Variants in SH3BGRL2 observed in about 807,000 individuals in gnomAD.
SH3BGRL2 encodes the protein SH3 domain-binding glutamic acid-rich-like protein 2.
Under a neutral mutation model 14.8 loss-of-function variants are expected in SH3BGRL2, and 21 were observed. The observed-to-expected ratio is 1.42, with a 90% CI of 1.01 to 2.05. The LOEUF (loss-of-function observed/expected upper bound fraction) is 2.05, where lower values mean the gene tolerates loss of function less well. SH3BGRL2 is among the 30% of genes most tolerant of loss of function. The pLI is 0.00. For missense variants in SH3BGRL2, 147 were observed against 130.8 expected (o/e 1.12, Z -0.61); for synonymous variants, 50 against 47.8 (o/e 1.05, Z -0.19).
chr6:79,637,783 G>T (rs1032445855), intron 1 of SH3BGRL2, among the ~76,000 whole-genome samples: 4 of 152,120 alleles, frequency 2.6e-5, no homozygotes, highest in Admixed American at 6.6e-5. Flanking sequence ...GCAGAGATTG[G>T]TGGTGTTTTA....
the SH3BGRL2 span, among the ~76,000 whole-genome samples, chr6:79,551,862 G>T: frequency 7.2e-5 from 11 of 152,132 alleles, no homozygotes; most frequent in Non-Finnish European, 5.9e-5. Context: ...GGCCAAGGTG[G>T]GTGGATCACC....
chr6:79,600,046 C>T, the SH3BGRL2 span, among the ~76,000 whole-genome samples: 18 of 152,248 alleles, frequency 1.2e-4, no homozygotes, highest in Middle Eastern at 3.4e-3. Flanking sequence ...AACTCACTAT[C>T]GTTTTGCACC....
At chr6:79,653,397 A>G (rs1474815687) in intron 1 of SH3BGRL2, among the ~76,000 whole-genome samples, 2 of 152,118 alleles carry the variant, frequency 1.3e-5, no homozygotes, top group African/African-American at 4.8e-5. Context: ...AACCTTTCTA[A>G]TTGCTTACCC....
In SH3BGRL2 at chr6:79,673,651, A is replaced by G. The variant is rs143868388; in HGVS notation, c.83A>G (p.Glu28Gly). Residue 28 changes from glutamate to glycine, a missense_variant, in exon 2 of 4, where the codon GAA becomes GGA. Physicochemically the swap from Glu to Gly is moderately conservative, Grantham distance 98. Transcript: ENST00000369838. ...KKQQDVVRFLEANKIEFEEVD... is the reference protein window; with the variant it reads ...KKQQDVVRFLGANKIEFEEVD... ...CAGCAAGATGTGGTTAGATTTCTGGAAGCCAACAAGATAGAGTTTGAGGAG... is the reference window on the plus strand; with the variant it reads ...CAGCAAGATGTGGTTAGATTTCTGGGAGCCAACAAGATAGAGTTTGAGGAG... The G allele has an allele frequency of 1.5e-5, 24 of 1,614,006 alleles. No individual in the cohort carries two copies. Among genetic ancestry groups the G allele is most frequent in the Non-Finnish European group, 2.0e-5 (24 of 1,180,024 alleles).
chr6:79,660,206 T>A (rs902387858), intron 1 of SH3BGRL2, among the ~76,000 whole-genome samples: 1 of 152,304 alleles, frequency 6.6e-6, no homozygotes, highest in Admixed American at 6.5e-5. Context: ...GAGGGCATCC[T>A]TGTTTTGTGC....
chr6:79,548,648 G>T, the SH3BGRL2 span, among the ~76,000 whole-genome samples: 1 of 152,144 alleles, frequency 6.6e-6, no homozygotes, highest in Non-Finnish European at 1.5e-5. Flanking sequence ...TCTACCATAT[G>T]TCTAGCACCT....
chr6:79,653,130 G>A (rs1034423522), intron 1 of SH3BGRL2, among the ~76,000 whole-genome samples: 5 of 152,148 alleles, frequency 3.3e-5, no homozygotes, highest in Non-Finnish European at 1.5e-5. Context: ...TTTTGTCAAA[G>A]AGACTCCTAT....
chr6:79,538,549 G>A, the SH3BGRL2 span, among the ~76,000 whole-genome samples: 5 of 152,172 alleles, frequency 3.3e-5, no homozygotes, highest in African/African-American at 2.4e-5. Context: ...TAAATTGCAC[G>A]GAATTACTTT....
At chr6:79,618,336 A>G in the SH3BGRL2 span, among the ~76,000 whole-genome samples, 3 of 152,160 alleles carry the variant, frequency 2.0e-5, no homozygotes, top group Non-Finnish European at 4.4e-5. Context: ...TGGTGTTCAA[A>G]TTGACCCAAA....
upstream of SH3BGRL2, among the ~76,000 whole-genome samples, chr6:79,629,324 C>CT (rs1259655040): frequency 6.6e-6 from 1 of 152,130 alleles, no homozygotes; most frequent in Non-Finnish European, 1.5e-5. Context: ...TTCCCAGTTC[C>CT]AATTCTGAAT....
chr6:79,675,377 C>T (rs1305817842), intron 2 of SH3BGRL2, among the ~76,000 whole-genome samples: 1 of 152,124 alleles, frequency 6.6e-6, no homozygotes, highest in Non-Finnish European at 1.5e-5. Flanking sequence ...TCAGTTTACT[C>T]TATGAAAAAT....
In SH3BGRL2 at chr6:79,673,072, T is replaced by A. The variant is rs1408517277; in HGVS notation, c.46-542T>A. Among the ~76,000 whole-genome samples, 4 of 151,506 alleles carry A rather than the reference T, an allele frequency of 2.6e-5. No homozygotes were observed. In the East Asian group the frequency reaches 7.8e-4, roughly 30 times the overall value. On this transcript the variant is annotated intron_variant, in intron 1 of 3. Coordinates refer to ENST00000369838, the MANE Select transcript of SH3BGRL2 (RefSeq NM_031469.4). ...AATGAAATGTCAACATCTCAGATAG[T>A]CTATACGTGGTTTTCAGATGGTTTT... is the stretch of plus-strand genomic sequence containing the variant.
chr6:79,646,179 CA>C (rs1479477842), intron 1 of SH3BGRL2, among the ~76,000 whole-genome samples: 1 of 152,182 alleles, frequency 6.6e-6, no homozygotes, highest in East Asian at 1.9e-4. Flanking sequence ...CCCTAGGGGG[CA>C]AAATCGCCCC....
At chr6:79,659,953 T>C (rs1199472718) in intron 1 of SH3BGRL2, among the ~76,000 whole-genome samples, 2 of 152,136 alleles carry the variant, frequency 1.3e-5, no homozygotes, top group Non-Finnish European at 2.9e-5. Flanking sequence ...CTGTTATTGG[T>C]GTATAAGAAT....
the SH3BGRL2 span, among the ~76,000 whole-genome samples, chr6:79,564,462 T>A: frequency 3.3e-5 from 5 of 152,212 alleles, no homozygotes; most frequent in African/African-American, 1.2e-4. Context: ...TCTGCTATGA[T>A]GTTTCATTAG....
At chr6:79,639,877 T>C (rs568940438) in intron 1 of SH3BGRL2, among the ~76,000 whole-genome samples, 1 of 152,302 alleles carries the variant, frequency 6.6e-6, no homozygotes, top group South Asian at 2.1e-4. Context: ...TTTTATTTTA[T>C]ACTGTTTATC....
chr6:79,589,206 A>ATTTT, the SH3BGRL2 span, among the ~76,000 whole-genome samples: 5 of 141,432 alleles, frequency 3.5e-5, no homozygotes, highest in African/African-American at 1.3e-4. Context: ...ATATATATAT[A>ATTTT]TTTTTTTTTT....
At position 79,702,350 on chromosome 6, in the gene SH3BGRL2, T is replaced by A. The variant is rs1770478044; in HGVS notation, c.*2841T>A. On this transcript the variant is annotated 3_prime_UTR_variant, in exon 4 of 4. Transcript: ENST00000369838. ...ATAGGGGTTTTGCTTTTTCTAGAGA[T>A]ACTTTTCATTTAACAGCTTTTGTTA... The A allele has an allele frequency of 6.6e-6, 1 of 152,650 alleles. No individual in the cohort carries two copies. The highest frequency in any genetic ancestry group is 1.5e-5 in the Non-Finnish European group (1 of 68,032). The allele number at this position is 152,650 out of a possible 1,614,324, so 9.5% of individuals were successfully genotyped here.
intron 1 of SH3BGRL2, among the ~76,000 whole-genome samples, chr6:79,663,957 C>T (rs889419965): frequency 1.3e-5 from 2 of 152,190 alleles, no homozygotes; most frequent in Non-Finnish European, 2.9e-5. Context: ...ACTACCAGGG[C>T]GTGGGGCCTG....
Sources: allele counts gnomAD v4.1 joint callset (sites outside exome capture counted in the v4.1 genomes callset), GRCh38; gene constraint gnomAD v4.1.1; transcripts MANE v1.5; gene names NCBI Gene and HGNC (gene_info 2026-07-23, HGNC 2026-07-21).